NKAIN2: variants seen among roughly 807,000 people sequenced by gnomAD.
The protein encoded by NKAIN2 is sodium/potassium-transporting ATPase subunit beta-1-interacting protein 2.
Under a neutral mutation model 32.6 loss-of-function variants are expected in NKAIN2, and 14 were observed. That is an observed-to-expected ratio of 0.43 (90% CI 0.28 to 0.67). NKAIN2 has a LOEUF of 0.67. NKAIN2 is among the 30% of genes least tolerant of loss of function. The pLI is 0.17. For synonymous variants in NKAIN2, 80 were observed against 87.2 expected (o/e 0.92, Z 0.46); for missense variants, 198 against 258.3 (o/e 0.77, Z 1.60).
chr6:124,487,637 TATCA>T (rs1777704094), intron 3 of NKAIN2, among the ~76,000 whole-genome samples: 1 of 152,184 alleles, frequency 6.6e-6, no homozygotes, highest in South Asian at 2.1e-4. Context: ...TGTCCATTTT[TATCA>T]AAGGGAAACA....
intron 3 of NKAIN2, among the ~76,000 whole-genome samples, chr6:124,614,165 G>A (rs1782795089): frequency 6.6e-6 from 1 of 152,154 alleles, no homozygotes; most frequent in South Asian, 2.1e-4. Flanking sequence ...AGGCCAAGAA[G>A]GGTGGATAAC....
At chr6:124,609,994 A>C (rs1782633754) in intron 3 of NKAIN2, among the ~76,000 whole-genome samples, 1 of 152,160 alleles carries the variant, frequency 6.6e-6, no homozygotes, top group Non-Finnish European at 1.5e-5. Context: ...GGAGAGTTGT[A>C]ACTATATAGT....
chr6:124,191,034 C>T (rs886821526), intron 1 of NKAIN2, among the ~76,000 whole-genome samples: 2 of 152,094 alleles, frequency 1.3e-5, no homozygotes, highest in African/African-American at 4.8e-5. Flanking sequence ...ACTCAAAGTC[C>T]GTGGTTTATG....
At chr6:124,419,457 C>G (rs906094897) in intron 3 of NKAIN2, among the ~76,000 whole-genome samples, 3 of 152,106 alleles carry the variant, frequency 2.0e-5, no homozygotes, top group Non-Finnish European at 2.9e-5. Flanking sequence ...GGATTCATAA[C>G]CAAGGTGCTC....
At chr6:124,387,294 G>GTT (rs5879731) in intron 3 of NKAIN2, among the ~76,000 whole-genome samples, 34 of 146,400 alleles carry the variant, frequency 2.3e-4, no homozygotes, top group Non-Finnish European at 4.7e-4. Context: ...CTAATTAAAG[G>GTT]TTTTTTTTTT....
At chr6:124,172,772 G>A (rs1480993877) in intron 1 of NKAIN2, among the ~76,000 whole-genome samples, 2 of 152,110 alleles carry the variant, frequency 1.3e-5, no homozygotes, top group Admixed American at 6.5e-5. Context: ...AATGGCTACA[G>A]CATTCTGTTG....
intron 1 of NKAIN2, among the ~76,000 whole-genome samples, chr6:124,262,443 C>G (rs1439619362): frequency 6.6e-6 from 1 of 152,094 alleles, no homozygotes; most frequent in African/African-American, 2.4e-5. Flanking sequence ...TAATAAAGAG[C>G]TTGAAGAGTG....
At chr6:124,208,606 C>T (rs1432761174) in intron 1 of NKAIN2, among the ~76,000 whole-genome samples, 5 of 150,954 alleles carry the variant, frequency 3.3e-5, no homozygotes, top group Non-Finnish European at 7.4e-5. Flanking sequence ...TTACCTTAGG[C>T]TATGTTATGC....
At chr6:123,895,702 T>C (rs1191646834) in intron 1 of NKAIN2, among the ~76,000 whole-genome samples, 1 of 152,188 alleles carries the variant, frequency 6.6e-6, no homozygotes, top group Non-Finnish European at 1.5e-5. Context: ...TATGAGATAG[T>C]AGATGCAAAT....
chr6:123,829,573 G>A (rs569780473), intron 1 of NKAIN2, among the ~76,000 whole-genome samples: 9 of 152,228 alleles, frequency 5.9e-5, no homozygotes, highest in Admixed American at 3.9e-4. Context: ...CTTGTAGACT[G>A]CTTATGCTTC....
chr6:123,874,733 ACTT>A (rs148767808), intron 1 of NKAIN2, among the ~76,000 whole-genome samples: 1,925 of 152,256 alleles, frequency 0.013, 41 homozygotes, highest in African/African-American at 0.044. Flanking sequence ...TATTTTTATC[ACTT>A]CTTCTGATTA....
At chr6:124,371,486 G>GT (rs1053661987) in intron 3 of NKAIN2, among the ~76,000 whole-genome samples, 5 of 152,002 alleles carry the variant, frequency 3.3e-5, no homozygotes, top group African/African-American at 1.2e-4. Context: ...GAGGTCAGGA[G>GT]TTCAAGACCA....
chr6:123,871,554 A>AT (rs1772880149), intron 1 of NKAIN2, among the ~76,000 whole-genome samples: 1 of 151,992 alleles, frequency 6.6e-6, no homozygotes, highest in African/African-American at 2.4e-5. Flanking sequence ...TTCTTGCTTT[A>AT]TTCTCTTGTT....
At chr6:124,743,365 G>T (rs1385741941) in intron 4 of NKAIN2, among the ~76,000 whole-genome samples, 1 of 151,878 alleles carries the variant, frequency 6.6e-6, no homozygotes. Context: ...TGTGGAATAA[G>T]TTAAAATCCT....
At chr6:124,100,583 G>T (rs1381449648) in intron 1 of NKAIN2, among the ~76,000 whole-genome samples, 3 of 152,188 alleles carry the variant, frequency 2.0e-5, no homozygotes, top group Non-Finnish European at 4.4e-5. Flanking sequence ...AGATGCGATT[G>T]TATCAATATT....
chr6:124,082,257 A>ATG (rs1784005882), intron 1 of NKAIN2, among the ~76,000 whole-genome samples: 1 of 152,060 alleles, frequency 6.6e-6, no homozygotes, highest in Non-Finnish European at 1.5e-5. Flanking sequence ...ACATCAATGA[A>ATG]AATCAAAGTG....
chr6:124,783,052 C>T (rs539573360), intron 4 of NKAIN2, among the ~76,000 whole-genome samples: 6 of 152,204 alleles, frequency 3.9e-5, no homozygotes, highest in East Asian at 1.9e-4. Context: ...ATCTCCCAAC[C>T]GGCACATGTA....
chr6:124,186,344 G>A (rs946187409), intron 1 of NKAIN2, among the ~76,000 whole-genome samples: 1 of 152,114 alleles, frequency 6.6e-6, no homozygotes, highest in Non-Finnish European at 1.5e-5. Flanking sequence ...CAGGGAGGCT[G>A]AGGTGGGAGG....
intron 3 of NKAIN2, among the ~76,000 whole-genome samples, chr6:124,365,855 G>A (rs1451492238): frequency 6.6e-6 from 1 of 151,996 alleles, no homozygotes; most frequent in African/African-American, 2.4e-5. Flanking sequence ...CTGCAACTGT[G>A]TGGAAATTAA....
Sources: gnomAD v4.1 joint callset for allele counts (sites outside exome capture counted in the v4.1 genomes callset) on GRCh38, gnomAD v4.1.1 for gene constraint, MANE v1.5 for transcripts, NCBI Gene and HGNC (gene_info 2026-07-23, HGNC 2026-07-21) for gene names.